The following FLVCR2 variants were observed in gnomAD, a reference collection of about 807,000 sequenced individuals.
FLVCR2 encodes choline/ethanolamine transporter FLVCR2.
A neutral mutation model predicts 48.9 loss-of-function variants in FLVCR2; 38 were observed. The ratio of observed to expected loss-of-function variants is 0.78; its 90% confidence interval spans 0.60 to 1.02. The LOEUF (loss-of-function observed/expected upper bound fraction) is 1.02, where lower values mean the gene tolerates loss of function less well. Ranked by LOEUF, FLVCR2 falls within the 50% of genes least tolerant of loss-of-function variation. The pLI is 0.00. For missense variants in FLVCR2, 664 were observed against 663.3 expected (o/e 1.00, Z -0.01); for synonymous variants, 255 against 257.0 (o/e 0.99, Z 0.07).
intron 9 of FLVCR2, among the ~76,000 whole-genome samples, chr14:75,645,768 A>G (rs1890406796): frequency 2.6e-5 from 4 of 152,102 alleles, no homozygotes; most frequent in African/African-American, 9.7e-5. Flanking sequence ...AAATACAAAA[A>G]TTAACTGGGC....
At chr14:75,613,029 A>G (rs1566789670) in intron 1 of FLVCR2, among the ~76,000 whole-genome samples, 1 of 152,210 alleles carries the variant, frequency 6.6e-6, no homozygotes, top group Non-Finnish European at 1.5e-5. Context: ...TTGCCTAAAT[A>G]GTACCAACTT....
intron 3 of FLVCR2, among the ~76,000 whole-genome samples, chr14:75,627,643 T>C (rs1380010261): frequency 6.6e-6 from 1 of 152,210 alleles, no homozygotes; most frequent in Admixed American, 6.5e-5. Flanking sequence ...GCCCTATTCA[T>C]AGGACATGTT....
chr14:75,599,687 C>T (rs10132427), intron 1 of FLVCR2, among the ~76,000 whole-genome samples: 2,497 of 152,282 alleles, frequency 0.016, 77 homozygotes, highest in African/African-American at 0.057. Flanking sequence ...GGAGATCTCA[C>T]ACTTTCTGAT....
intron 2 of FLVCR2, among the ~76,000 whole-genome samples, chr14:75,624,360 AT>A (rs1889840844): frequency 1.3e-5 from 2 of 152,098 alleles, no homozygotes; most frequent in Admixed American, 6.5e-5. Flanking sequence ...CTCAAAAAAA[AT>A]AAAGAAAAAA....
At chr14:75,619,742 G>A (rs185990210) in intron 1 of FLVCR2, among the ~76,000 whole-genome samples, 4 of 152,184 alleles carry the variant, frequency 2.6e-5, no homozygotes, top group African/African-American at 9.7e-5. Context: ...CTGCCCAGCT[G>A]GGGTTACTGT....
At chr14:75,600,096 G>A (rs1401688788) in intron 1 of FLVCR2, among the ~76,000 whole-genome samples, 1 of 152,190 alleles carries the variant, frequency 6.6e-6, no homozygotes, top group Non-Finnish European at 1.5e-5. Context: ...AAAGGATGCA[G>A]TAAAGAGGCC....
intron 1 of FLVCR2, among the ~76,000 whole-genome samples, chr14:75,589,869 T>C (rs1303740378): frequency 6.6e-6 from 1 of 152,214 alleles, no homozygotes. Flanking sequence ...AGCCAAGGAA[T>C]GCCATGCCAG....
rs77704007 is a variant in FLVCR2, at chr14:75,632,443, C to T, written c.953-1186C>T. On this transcript the variant is annotated intron_variant, in intron 3 of 9. Coordinates refer to ENST00000238667, the MANE Select transcript of FLVCR2 (RefSeq NM_017791.3). Reference sequence around the variant, plus strand: ...GGAGTACAATGACTCTTTTCACTGGCCTGTCACTTATGGGGCCCCTGGAAG... The same window carrying T: ...GGAGTACAATGACTCTTTTCACTGGTCTGTCACTTATGGGGCCCCTGGAAG... Among the ~76,000 whole-genome samples the T allele has an allele frequency of 8.3e-3, 1,264 of 152,256 alleles. 22 individuals carry two copies. Among genetic ancestry groups the T allele is most frequent in the African/African-American group, 0.029 (1,199 of 41,546 alleles).
chr14:75,641,202 C>T lies in FLVCR2; in HGVS notation c.1362C>T (p.Thr454=), dbSNP rs1467454991. Residue 454 remains threonine (T), a synonymous_variant, in exon 8 of 10, where the codon ACC becomes ACT. Transcript: ENST00000238667. ...TCCAGGTATTTGGGATCATCTTTAC[C>T]ATCTCCCAGGGCCAGATTATTGACA... is the stretch of plus-strand genomic sequence containing the variant. ...ISAQVFGIIF[T]ISQGQIIDNY... 1.2e-6 allele frequency: 2 copies of T among 1,613,208 alleles called. No individual in the cohort carries two copies. The highest frequency in any genetic ancestry group is 1.7e-5 in the Admixed American group (1 of 60,012).
At chr14:75,595,943 T>G in intron 1 of FLVCR2, 1 of 1,455,716 alleles carries the variant, frequency 6.9e-7, no homozygotes, top group Non-Finnish European at 9.6e-7. Flanking sequence ...CAAGTCTATG[T>G]TTGGGTTCAT....
chr14:75,620,117 A>G (rs555730649), intron 1 of FLVCR2, among the ~76,000 whole-genome samples: 82 of 152,258 alleles, frequency 5.4e-4, no homozygotes, highest in African/African-American at 1.9e-3. Flanking sequence ...AAGGCCATAT[A>G]TGAGCTGGAG....
chr14:75,621,731 C>T (rs1889771864), intron 1 of FLVCR2, among the ~76,000 whole-genome samples: 1 of 152,116 alleles, frequency 6.6e-6, no homozygotes, highest in South Asian at 2.1e-4. Flanking sequence ...ATTTGAGTAG[C>T]ACAAGAAAAT....
chr14:75,630,240 C>T (rs1208507049), intron 3 of FLVCR2, among the ~76,000 whole-genome samples: 1 of 152,156 alleles, frequency 6.6e-6, no homozygotes, highest in Non-Finnish European at 1.5e-5. Context: ...TTCTGACTTG[C>T]AGCAGAGTTG....
intron 6 of FLVCR2, among the ~76,000 whole-genome samples, chr14:75,639,998 G>A (rs964848891): frequency 4.6e-5 from 7 of 152,134 alleles, no homozygotes; most frequent in African/African-American, 9.7e-5. Flanking sequence ...GTGGCTTAAC[G>A]CCTGTAATCC....
intron 1 of FLVCR2, among the ~76,000 whole-genome samples, chr14:75,607,334 A>G (rs1016015280): frequency 2.7e-4 from 41 of 152,372 alleles, no homozygotes; most frequent in Middle Eastern, 3.4e-3. Context: ...GCTAGTGTTA[A>G]AAAAGGTAAA....
At chr14:75,596,340 G>A (rs1363675534) in intron 1 of FLVCR2, 6 of 361,142 alleles carry the variant, frequency 1.7e-5, no homozygotes, top group African/African-American at 8.3e-5. Flanking sequence ...AAAGGTAGAC[G>A]GGGTAGGTCT....
At chr14:75,628,153 C>T (rs1889954104) in intron 3 of FLVCR2, among the ~76,000 whole-genome samples, 1 of 152,076 alleles carries the variant, frequency 6.6e-6, no homozygotes, top group Non-Finnish European at 1.5e-5. Context: ...CTTACTCTGT[C>T]GCCCAAGCTG....
intron 1 of FLVCR2, among the ~76,000 whole-genome samples, chr14:75,582,379 A>G (rs1184929503): frequency 2.0e-5 from 3 of 152,204 alleles, no homozygotes; most frequent in African/African-American, 7.2e-5. Context: ...AGTTAAGGCA[A>G]TGAGTTTGGC....
chr14:75,644,647 A>G (rs191544010), intron 9 of FLVCR2, among the ~76,000 whole-genome samples: 373 of 152,288 alleles, frequency 2.4e-3, no homozygotes, highest in Non-Finnish European at 4.1e-3. Context: ...ATGGGGGGTC[A>G]AAGTCATGCT....
Sources: gnomAD v4.1 joint callset for allele counts (sites outside exome capture counted in the v4.1 genomes callset) on GRCh38, gnomAD v4.1.1 for gene constraint, MANE v1.5 for transcripts, NCBI Gene and HGNC (gene_info 2026-07-23, HGNC 2026-07-21) for gene names.